Variants in TJP2 observed in about 807,000 individuals in gnomAD.
TJP2 encodes Friedreich ataxia region gene X104 (tight junction protein ZO-2).
TJP2 carries 91 observed loss-of-function variants against 133.1 expected under a neutral mutation model. That is an observed-to-expected ratio of 0.68 (90% CI 0.58 to 0.81). The LOEUF (loss-of-function observed/expected upper bound fraction) is 0.81. Among genes scored for constraint, TJP2 ranks in the 40% least tolerant of loss-of-function variants. TJP2 has a pLI of 0.00. For missense variants in TJP2, 1,541 were observed against 1,565.6 expected (o/e 0.98, Z 0.26); for synonymous variants, 592 against 583.4 (o/e 1.01, Z -0.21).
chr9:69,227,923 C>A, intron 8 of TJP2, 50 bp downstream of exon 8: 1 of 1,612,768 alleles, frequency 6.2e-7, no homozygotes, highest in Non-Finnish European at 8.5e-7. Flanking sequence ...AATGTACACA[C>A]ATATGTATTT....
intron 2 of TJP2, among the ~76,000 whole-genome samples, chr9:69,158,327 C>CAA (rs1156502519): frequency 0.038 from 1,988 of 52,024 alleles, 88 homozygotes; most frequent in East Asian, 0.068. Flanking sequence ...GACTTTGCCT[C>CAA]AAAAAAAAAA....
chr9:69,174,117 G>T (rs1393812566), upstream of TJP2: 2 of 1,204,324 alleles, frequency 1.7e-6, no homozygotes, highest in East Asian at 3.7e-5. Context: ...CGGCAGGCGC[G>T]TGGGTGGTAG....
At chr9:69,197,662 A>G (rs975163757) in intron 1 of TJP2, among the ~76,000 whole-genome samples, 14 of 152,194 alleles carry the variant, frequency 9.2e-5, no homozygotes, top group African/African-American at 2.7e-4. Context: ...GTACTGAGCA[A>G]TGCTCTCCAG....
At chr9:69,251,804 A>G (rs939749864) in intron 21 of TJP2, among the ~76,000 whole-genome samples, 24 of 152,218 alleles carry the variant, frequency 1.6e-4, no homozygotes, top group African/African-American at 4.8e-4. Context: ...CCATATGCAC[A>G]TAGAACTTTT....
intron 2 of TJP2, among the ~76,000 whole-genome samples, chr9:69,213,234 T>A (rs565360707): frequency 1.3e-5 from 2 of 152,232 alleles, no homozygotes; most frequent in South Asian, 4.2e-4. Flanking sequence ...CGGCTAATTT[T>A]GTATTTTTAA....
At chr9:69,239,665 G>T (rs532886168) in intron 16 of TJP2, among the ~76,000 whole-genome samples, 63 of 152,026 alleles carry the variant, frequency 4.1e-4, no homozygotes, top group Non-Finnish European at 7.6e-4. Context: ...ACAAAAATTA[G>T]CTGGCCATGG....
At chr9:69,246,866 G>A in intron 18 of TJP2, 76 bp downstream of exon 18, 1 of 1,278,254 alleles carries the variant, frequency 7.8e-7, no homozygotes. Flanking sequence ...AGTGAATGTA[G>A]TCAAGCCATG....
intron 1 of TJP2, among the ~76,000 whole-genome samples, chr9:69,143,170 T>A (rs1823078114): frequency 6.6e-6 from 1 of 152,248 alleles, no homozygotes; most frequent in Admixed American, 6.5e-5. Context: ...AATTTTAATT[T>A]TATGTGAAAT....
rs1015600213 is a variant in TJP2, at chr9:69,249,482, C to T, written c.2988C>T (p.Pro996=). 6.2e-7 allele frequency: 1 copy of T among 1,603,034 alleles called. No individual in the cohort carries two copies. Reference sequence around the variant, plus strand: ...CCCCAGCATTCAAGCCAGAGCCGCCCAAGGTACGTGGCTGGGAAGCCCAGG... The same window carrying T: ...CCCCAGCATTCAAGCCAGAGCCGCCTAAGGTACGTGGCTGGGAAGCCCAGG... ...SPPPAFKPEP[P]KAKTQNKEES... Residue 996 remains proline, a synonymous_variant, in exon 20 of 23, where the codon CCC becomes CCT. Coordinates refer to ENST00000377245, the MANE Select transcript of TJP2 (RefSeq NM_004817.4).
chr9:69,139,488 G>A (rs12001188), intron 1 of TJP2, among the ~76,000 whole-genome samples: 2,869 of 152,198 alleles, frequency 0.019, 93 homozygotes, highest in African/African-American at 0.065. Flanking sequence ...GAAAAGATGG[G>A]CCTTCCCAAG....
intron 2 of TJP2, among the ~76,000 whole-genome samples, chr9:69,214,685 G>A (rs564210531): frequency 1.4e-4 from 22 of 151,942 alleles, no homozygotes; most frequent in Non-Finnish European, 3.2e-4. Flanking sequence ...TGGCCAACAT[G>A]GTGAAACCCT....
At position 69,253,176 on chromosome 9, in the gene TJP2, T is replaced by C. The variant is rs1161290945; in HGVS notation, c.3407+276T>C. The C allele has an allele frequency of 1.6e-5, 8 of 493,520 alleles. No homozygotes were observed. In the East Asian group the frequency reaches 2.6e-4, roughly 16 times the overall value. 30.6% of individuals were successfully genotyped at this position (493,520 alleles called of 1,614,324 possible). ...ACATTGGAGCCTGGTTATGTTACAT[T>C]GCACATGGTTAGCACATGAGCAGAA... is the stretch of plus-strand genomic sequence containing the variant. On this transcript the variant is annotated intron_variant, in intron 22 of 22. Coordinates refer to ENST00000377245, the MANE Select transcript of TJP2 (RefSeq NM_004817.4).
intron 16 of TJP2, 129 bp from the exon 17 acceptor site, chr9:69,239,808 T>C: frequency 1.1e-6 from 1 of 885,348 alleles, no homozygotes; most frequent in Non-Finnish European, 1.8e-6. Flanking sequence ...AGCAAGAATC[T>C]ATCCCAAATA....
At chr9:69,250,617 T>C (rs1442669431) in intron 20 of TJP2, among the ~76,000 whole-genome samples, 1 of 152,202 alleles carries the variant, frequency 6.6e-6, no homozygotes, top group Non-Finnish European at 1.5e-5. Flanking sequence ...ATTCCTCAGC[T>C]GGACATGGGT....
chr9:69,154,561 G>A lies in TJP2; in HGVS notation c.-10+2790G>A, dbSNP rs533256989. Among the ~76,000 whole-genome samples, 12 of 151,610 alleles carry A rather than the reference G, an allele frequency of 7.9e-5. No individual in the cohort carries two copies. The South Asian group carries it at 1.9e-3, about 24-fold the overall frequency. ...TGCTAAGGCTTTGGGAGGCTGAGGC[G>A]GGAGGATCGCTTAAGCCCAGGAGTT... On this transcript the variant is annotated intron_variant, in intron 2 of 5. Transcript: ENST00000423935.
chr9:69,171,228 G>GCAGT (rs1646918431), upstream of TJP2, among the ~76,000 whole-genome samples: 1 of 152,150 alleles, frequency 6.6e-6, no homozygotes, highest in African/African-American at 2.4e-5. Context: ...ATCTAGTCAG[G>GCAGT]CAGTCATCCA....
At position 69,214,594 on chromosome 9, in the gene TJP2, C is replaced by G. The variant is rs189093803; in HGVS notation, c.115-1745C>G. Among the ~76,000 whole-genome samples the G allele has an allele frequency of 1.1e-4, 17 of 152,214 alleles. No homozygotes were observed. The East Asian group carries it at 3.1e-3, about 28-fold the overall frequency. ...CTTTAAAATCCAGTTACGGGCCGGG[C>G]GCAGTAGCTCACGCCTGTAATCCCC... On this transcript the variant is annotated intron_variant, in intron 2 of 22. Coordinates refer to ENST00000377245, the MANE Select transcript of TJP2 (RefSeq NM_004817.4).
rs145508057 is a variant in TJP2 at position 69,209,168 on chromosome 9, A to G, written c.61-3380A>G. On this transcript the variant is annotated intron_variant, in intron 1 of 22. Transcript: ENST00000377245. ...TTTCTTTCTTTATTTTTTTTGAGAC[A>G]GAGTCTCACTCTGGAGTGCAGTGGC... 9.8e-3 allele frequency among the ~76,000 whole-genome samples: 1,492 copies of G among 152,178 alleles called. 13 individuals carry two copies. The highest frequency in any genetic ancestry group is 0.034 in the African/African-American group (1,413 of 41,532).
At chr9:69,131,658 G>C (rs1400351936) in intron 1 of TJP2, among the ~76,000 whole-genome samples, 1 of 152,154 alleles carries the variant, frequency 6.6e-6, no homozygotes, top group Non-Finnish European at 1.5e-5. Context: ...CCAACTGCCT[G>C]GTGACTTGCT....
Sources: allele counts gnomAD v4.1 joint callset (sites outside exome capture counted in the v4.1 genomes callset), GRCh38; gene constraint gnomAD v4.1.1; transcripts MANE v1.5; gene names NCBI Gene and HGNC (gene_info 2026-07-23, HGNC 2026-07-21).